The following RCOR1 variants were observed in gnomAD, a reference collection of about 807,000 sequenced individuals.
The protein encoded by RCOR1 is REST corepressor 1, also known as REST corepressor.
Under a neutral mutation model 64.0 loss-of-function variants are expected in RCOR1, and 12 were observed. That is an observed-to-expected ratio of 0.19 (90% CI 0.12 to 0.30). RCOR1 has a LOEUF of 0.30. Among genes scored for constraint, RCOR1 ranks in the 10% least tolerant of loss-of-function variants. RCOR1 has a pLI of 1.00. For synonymous variants in RCOR1, 279 were observed against 227.2 expected (o/e 1.23, Z -2.05); for missense variants, 502 against 621.2 (o/e 0.81, Z 2.04).
chr14:102,693,643 T>C lies in RCOR1; in HGVS notation c.446-7635T>C, dbSNP rs187046859. ...TGGGGTTTAGCTTCCTTTTCAGAGC[T>C]AAAGAACCCACCCAGCCTTCCTATA... On this transcript the variant is annotated intron_variant, in intron 3 of 11. Transcript: ENST00000262241. Among the ~76,000 whole-genome samples, 29 of 151,404 alleles carry C rather than the reference T, an allele frequency of 1.9e-4. 1 individual carries two copies. Among genetic ancestry groups the C allele is most frequent in the East Asian group, 1.2e-3 (6 of 5,172 alleles).
At chr14:102,596,379 A>G (rs528042102) in intron 2 of RCOR1, among the ~76,000 whole-genome samples, 23 of 152,300 alleles carry the variant, frequency 1.5e-4, no homozygotes, top group Non-Finnish European at 2.4e-4. Context: ...CTGGGATTAC[A>G]GGGGTGAGCC....
intron 2 of RCOR1, chr14:102,658,801 TCCC>T (rs1344182891): frequency 3.6e-6 from 1 of 277,402 alleles, no homozygotes; most frequent in Non-Finnish European, 5.5e-6. Context: ...TTATGATGTC[TCCC>T]CAGTTTGCTG....
chr14:102,608,665 C>T (rs1452226644), intron 2 of RCOR1, among the ~76,000 whole-genome samples: 1 of 152,030 alleles, frequency 6.6e-6, no homozygotes, highest in Non-Finnish European at 1.5e-5. Context: ...GAGCTCCCGA[C>T]CTCAGGTGAT....
intron 3 of RCOR1, among the ~76,000 whole-genome samples, chr14:102,696,497 G>GA (rs200948507): frequency 0.013 from 1,911 of 152,306 alleles, 19 homozygotes; most frequent in Admixed American, 0.016. Context: ...GTACACTGGG[G>GA]AAGGGTGATG....
At chr14:102,667,977 T>G (rs550280942) in intron 2 of RCOR1, among the ~76,000 whole-genome samples, 2 of 152,266 alleles carry the variant, frequency 1.3e-5, no homozygotes, top group Admixed American at 6.5e-5. Context: ...GATTTAGAAG[T>G]CATTACCATA....
At chr14:102,677,882 T>TCACGCCACTGCACTCCAGCCTGGGCACC (rs1193966417) in intron 2 of RCOR1, among the ~76,000 whole-genome samples, 101 of 151,660 alleles carry the variant, frequency 6.7e-4, no homozygotes, top group African/African-American at 2.3e-3. Flanking sequence ...CGAGCTGAGA[T>TCACGCCACTGCACTCCAGCCTGGGCACC]CACGCCACTG....
At chr14:102,715,372 T>G (rs909212108) in intron 8 of RCOR1, among the ~76,000 whole-genome samples, 4 of 148,982 alleles carry the variant, frequency 2.7e-5, no homozygotes, top group Admixed American at 6.7e-5. Flanking sequence ...CGCCCGGCCC[T>G]GATTTTTTTT....
At chr14:102,673,377 C>T (rs1319292910) in intron 2 of RCOR1, among the ~76,000 whole-genome samples, 2 of 150,270 alleles carry the variant, frequency 1.3e-5, no homozygotes, top group Non-Finnish European at 3.0e-5. Flanking sequence ...CCCTCTGTGG[C>T]CCAGGCTGGA....
At chr14:102,659,222 AT>A in intron 2 of RCOR1, 1 of 985,122 alleles carries the variant, frequency 1.0e-6, no homozygotes, top group Non-Finnish European at 1.2e-6. Flanking sequence ...GCAATTTTAT[AT>A]TTGCATATGA....
intron 2 of RCOR1, among the ~76,000 whole-genome samples, chr14:102,625,972 C>G (rs1021150094): frequency 2.0e-5 from 3 of 152,136 alleles, no homozygotes; most frequent in Admixed American, 1.3e-4. Flanking sequence ...TGTTCTCTGC[C>G]CTACCTCAGC....
At chr14:102,636,188 T>A (rs1004871566) in intron 2 of RCOR1, among the ~76,000 whole-genome samples, 1 of 152,132 alleles carries the variant, frequency 6.6e-6, no homozygotes, top group Admixed American at 6.6e-5. Flanking sequence ...TCTGCCCGCC[T>A]TGGCCTCCCA....
At chr14:102,632,339 C>A (rs1316755071) in intron 2 of RCOR1, among the ~76,000 whole-genome samples, 2 of 150,794 alleles carry the variant, frequency 1.3e-5, no homozygotes, top group Non-Finnish European at 3.0e-5. Flanking sequence ...GCCTCAGCCT[C>A]TCCAAGTAGC....
chr14:102,679,431 T>C (rs1276434673), intron 2 of RCOR1, among the ~76,000 whole-genome samples: 6 of 152,158 alleles, frequency 3.9e-5, no homozygotes, highest in Non-Finnish European at 8.8e-5. Context: ...CATTTGATCC[T>C]GTATGTGTGG....
At chr14:102,676,048 T>TCC (rs751038641) in intron 2 of RCOR1, among the ~76,000 whole-genome samples, 4 of 143,244 alleles carry the variant, frequency 2.8e-5, no homozygotes, top group Non-Finnish European at 4.6e-5. Flanking sequence ...TTTTTTTTTT[T>TCC]CCCCAAGGCA....
chr14:102,714,893 A>G (rs1216793981), intron 8 of RCOR1, among the ~76,000 whole-genome samples: 4 of 152,170 alleles, frequency 2.6e-5, no homozygotes, highest in Admixed American at 1.3e-4. Flanking sequence ...CTGTGTCTCC[A>G]TGATTTCTCA....
In RCOR1 at chr14:102,727,188, CTG is replaced by C. The variant is rs1896284177; in HGVS notation, c.*684_*685del. ...CATTTACTGCAACTGTCGTTGGACA[CTG>C]TAGCTTAAAGGGAACGTGGACCTCA... On this transcript the variant is annotated 3_prime_UTR_variant, in exon 12 of 12. Coordinates refer to ENST00000262241, the MANE Select transcript of RCOR1 (RefSeq NM_015156.4). 1 of 152,182 alleles carries C rather than the reference CTG, an allele frequency of 6.6e-6. No homozygotes were observed. Among genetic ancestry groups the C allele is most frequent in the Non-Finnish European group, 1.5e-5 (1 of 68,056 alleles). 9.4% of individuals were successfully genotyped at this position (152,182 alleles called of 1,614,324 possible).
chr14:102,665,329 T>TAAA lies in RCOR1; in HGVS notation c.362-16566_362-16565insAAA, dbSNP rs1406879793. On this transcript the variant is annotated intron_variant, in intron 2 of 11. Transcript: ENST00000262241. ...CTCAACACTTTTTTTTTTTTTTTTT[T>TAAA]TAAATAAAATAGGCTTTGTTAGATG... Among the ~76,000 whole-genome samples the TAAA allele has an allele frequency of 3.3e-3, 491 of 150,822 alleles. 1 individual carries two copies. The highest frequency in any genetic ancestry group is 0.012 in the African/African-American group (478 of 40,562).
At chr14:102,649,592 G>A (rs991359845) in intron 2 of RCOR1, among the ~76,000 whole-genome samples, 2 of 152,244 alleles carry the variant, frequency 1.3e-5, no homozygotes, top group Admixed American at 6.5e-5. Flanking sequence ...TTCAGAGGCA[G>A]CGTTTTCTAG....
chr14:102,712,732 T>C (rs949360668), intron 7 of RCOR1, among the ~76,000 whole-genome samples: 12 of 151,518 alleles, frequency 7.9e-5, no homozygotes, highest in Non-Finnish European at 1.6e-4. Context: ...ATAATTTATA[T>C]GAATGCCCAA....
Sources: gnomAD v4.1 joint callset for allele counts (sites outside exome capture counted in the v4.1 genomes callset) on GRCh38, gnomAD v4.1.1 for gene constraint, MANE v1.5 for transcripts, NCBI Gene and HGNC (gene_info 2026-07-23, HGNC 2026-07-21) for gene names.